COX7A2: variants seen among roughly 807,000 people sequenced by gnomAD.
The protein encoded by COX7A2 is cytochrome c oxidase subunit 7A2, mitochondrial.
Under a neutral mutation model 11.6 loss-of-function variants are expected in COX7A2, and 11 were observed. That is an observed-to-expected ratio of 0.95 (90% CI 0.60 to 1.57). The LOEUF is 1.57. Ranked by LOEUF, COX7A2 falls within the 40% of genes most tolerant of loss-of-function variation. The pLI is 0.00. For synonymous variants in COX7A2, 30 were observed against 38.2 expected (o/e 0.78, Z 0.79); for missense variants, 106 against 100.9 (o/e 1.05, Z -0.22).
In COX7A2 at chr6:75,237,809, G is replaced by C. The variant is rs1195307671; in HGVS notation, c.*121C>G. The stretch of plus-strand genomic sequence containing the variant: ...AAGCATGGTAAAGACTGCTTTATTG[G>C]TGGCAGTTACTACAAGTCAATAAAT... On this transcript the variant is annotated 3_prime_UTR_variant, in exon 4 of 4. Transcript: ENST00000684430. 1 of 594,864 alleles carries C rather than the reference G, an allele frequency of 1.7e-6. No homozygotes were observed. The highest frequency in any genetic ancestry group is 2.9e-6 in the Non-Finnish European group (1 of 339,620). 36.8% of individuals were successfully genotyped at this position (594,864 alleles called of 1,614,324 possible). A position where few individuals can be genotyped will look rare whatever the true frequency, so the allele number is the denominator to read the frequency against.
chr6:75,247,608 A>C (rs1197393767), upstream of COX7A2, among the ~76,000 whole-genome samples: 1 of 151,940 alleles, frequency 6.6e-6, no homozygotes, highest in East Asian at 1.9e-4. Context: ...AGTTAGACTA[A>C]CTCCTAATGA....
intron 3 of COX7A2, among the ~76,000 whole-genome samples, 197 bp from the exon 4 acceptor site, chr6:75,238,185 G>A (rs962027332): frequency 6.6e-6 from 1 of 151,882 alleles, no homozygotes; most frequent in Admixed American, 6.6e-5. Flanking sequence ...AATATAGAAA[G>A]TGTGGCACAA....
intron 1 of COX7A2, among the ~76,000 whole-genome samples, chr6:75,249,505 TCA>T (rs1457018365): frequency 6.6e-6 from 1 of 152,232 alleles, no homozygotes; most frequent in Non-Finnish European, 1.5e-5. Flanking sequence ...TATTTATACC[TCA>T]GTTTCTCTTG....
chr6:75,238,645 A>G (rs942154188), intron 3 of COX7A2, among the ~76,000 whole-genome samples: 5 of 141,230 alleles, frequency 3.5e-5, no homozygotes, highest in Non-Finnish European at 7.6e-5. Context: ...CAGAGGTTGC[A>G]GTAAGCCGAG....
chr6:75,240,737 A>G, intron 2 of COX7A2: 1 of 184,716 alleles, frequency 5.4e-6, no homozygotes, highest in Non-Finnish European at 1.1e-5. Context: ...GCCACACATT[A>G]GATTTAGTCA....
At position 75,241,282 on chromosome 6, in the gene COX7A2, A is replaced by G. The variant is rs1771494241; in HGVS notation, c.19-17T>C. 1 of 1,505,342 alleles carries G rather than the reference A, an allele frequency of 6.6e-7. No individual in the cohort carries two copies. The highest frequency in any genetic ancestry group is 1.3e-5 in the South Asian group (1 of 74,588). The allele number at this position is 1,505,342 out of a possible 1,614,324, so 93.2% of individuals were successfully genotyped here. ...ACGAAGAGCCTAAAATGAAAATATT[A>G]TTAAATAGACTTAGAGCCTAAAGAA... On this transcript the variant is annotated splice_polypyrimidine_tract_variant and intron_variant, in intron 1 of 3. Coordinates refer to ENST00000684430, the MANE Select transcript of COX7A2 (RefSeq NM_001366293.2).
chr6:75,249,789 T>C (rs1270611830), intron 1 of COX7A2, among the ~76,000 whole-genome samples: 1 of 152,204 alleles, frequency 6.6e-6, no homozygotes, highest in Admixed American at 6.5e-5. Context: ...GAGGTTCAAG[T>C]AGCAAACTGT....
At chr6:75,242,868 C>G (rs1246681630) in intron 1 of COX7A2, among the ~76,000 whole-genome samples, 2 of 151,746 alleles carry the variant, frequency 1.3e-5, no homozygotes, top group African/African-American at 4.8e-5. Flanking sequence ...ATAAAAACAA[C>G]AACAACAAAA....
intron 1 of COX7A2, chr6:75,249,944 T>G (rs748804130): frequency 6.6e-6 from 1 of 152,098 alleles, no homozygotes; most frequent in East Asian, 1.9e-4. Context: ...AAGAGAGATG[T>G]AGATAAGGGG....
chr6:75,240,276 C>T, intron 3 of COX7A2, 25 bp downstream of exon 3: 2 of 1,545,342 alleles, frequency 1.3e-6, no homozygotes, highest in Non-Finnish European at 1.8e-6. Context: ...TTTCTATAAA[C>T]CTTCAAACAT....
chr6:75,238,704 C>CAAAAAAA (rs35057968), intron 3 of COX7A2, among the ~76,000 whole-genome samples: 1 of 55,758 alleles, frequency 1.8e-5, no homozygotes, highest in Non-Finnish European at 3.0e-5. Flanking sequence ...AACTCCATCT[C>CAAAAAAA]AAAAAAAAAA....
chr6:75,249,411 T>A (rs1253417221), intron 1 of COX7A2, among the ~76,000 whole-genome samples: 2 of 152,192 alleles, frequency 1.3e-5, no homozygotes, highest in Non-Finnish European at 2.9e-5. Context: ...AAAAAATATA[T>A]TGTTGTTAAG....
At chr6:75,243,679 T>C (rs556504844) in intron 1 of COX7A2, 38 bp downstream of exon 1, 4 of 1,597,852 alleles carry the variant, frequency 2.5e-6, no homozygotes, top group African/African-American at 1.3e-5. Context: ...CTCCACTCCC[T>C]CGCCCCCATC....
upstream of COX7A2, among the ~76,000 whole-genome samples, chr6:75,246,887 A>G (rs181239349): frequency 4.3e-4 from 65 of 152,340 alleles, no homozygotes; most frequent in Admixed American, 1.3e-3. Flanking sequence ...AAACATTACC[A>G]CATTTTAAAA....
At chr6:75,243,984 T>C (rs1771618028), upstream of COX7A2, 2 of 634,868 alleles carry the variant, frequency 3.2e-6, no homozygotes, top group Admixed American at 2.9e-5. Flanking sequence ...CGATGTTCAG[T>C]AGGCTGGTCC....
Position 75,240,356 on chromosome 6 carries a change from CTT to C in COX7A2, c.136_137del (p.Lys46GlyfsTer5). The C allele has an allele frequency of 6.3e-7, 1 of 1,594,028 alleles. No individual in the cohort carries two copies. The highest frequency in any genetic ancestry group is 1.1e-5 in the South Asian group (1 of 88,216). On this transcript the variant is annotated frameshift_variant, in exon 3 of 4. Transcript: ENST00000684430. LOFTEE classifies it high-confidence loss of function. ...QEDDEIPLYL[K>X]GGVADALLYR... ...ACAGGAGGGCATCAGCTACCCCACC[CTT>C]TAGATACAGTGGAATTTCATCATCC... is the stretch of plus-strand genomic sequence containing the variant.
chr6:75,245,845 C>A (rs2149513987), upstream of COX7A2, among the ~76,000 whole-genome samples: 1 of 152,282 alleles, frequency 6.6e-6, no homozygotes, highest in East Asian at 1.9e-4. Flanking sequence ...TAATCCGTCC[C>A]TCACCATATA....
chr6:75,240,801 C>G (rs909881897), intron 2 of COX7A2: 1 of 191,782 alleles, frequency 5.2e-6, no homozygotes, highest in African/African-American at 2.3e-5. Context: ...GTTTATAACC[C>G]TAAATTATAT....
intron 3 of COX7A2, 99 bp downstream of exon 3, chr6:75,240,202 C>G: frequency 3.6e-6 from 3 of 833,614 alleles, no homozygotes; most frequent in Non-Finnish European, 3.9e-6. Context: ...TGGAGACAAA[C>G]TGCCTGCATT....
Sources: allele counts gnomAD v4.1 joint callset (sites outside exome capture counted in the v4.1 genomes callset), GRCh38; gene constraint gnomAD v4.1.1; transcripts MANE v1.5; gene names NCBI Gene and HGNC (gene_info 2026-07-23, HGNC 2026-07-21).